SATL1: variants seen among roughly 807,000 people sequenced by gnomAD.
The protein encoded by SATL1 is spermidine/spermine N(1)-acetyltransferase-like protein 1.
A neutral mutation model predicts 51.8 loss-of-function variants in SATL1; 47 were observed. The observed-to-expected ratio is 0.91, with a 90% CI of 0.72 to 1.16. The LOEUF (loss-of-function observed/expected upper bound fraction) is 1.16. Among genes scored for constraint, SATL1 ranks in the 50% most tolerant of loss-of-function variants. SATL1 has a pLI of 0.00. For missense variants in SATL1, 520 were observed against 526.4 expected (o/e 0.99, Z 0.12); for synonymous variants, 176 against 182.4 (o/e 0.97, Z 0.28).
intron 1 of SATL1, among the ~76,000 whole-genome samples, chrX:85,225,914 C>T (rs1405096070): frequency 9.1e-5 from 10 of 110,384 alleles, no homozygotes; most frequent in Non-Finnish European, 1.9e-5. Flanking sequence ...GAAGAACTGG[C>T]CTCATAGCTT....
At chrX:85,140,387 T>C (rs939175224) in intron 2 of SATL1, among the ~76,000 whole-genome samples, 4 of 111,934 alleles carry the variant, frequency 3.6e-5, no homozygotes, top group Non-Finnish European at 7.5e-5. Context: ...TATATTTTAA[T>C]TTCTACTTTT....
intron 2 of SATL1, among the ~76,000 whole-genome samples, chrX:85,170,942 C>G (rs745399006): frequency 9.0e-6 from 1 of 111,244 alleles, no homozygotes; most frequent in Non-Finnish European, 1.9e-5. Flanking sequence ...CATGAATGAA[C>G]AAATACTCTC....
intron 2 of SATL1, among the ~76,000 whole-genome samples, chrX:85,220,674 A>C (rs1350450982): frequency 7.0e-5 from 6 of 85,180 alleles, no homozygotes; most frequent in African/African-American, 9.3e-5. Context: ...AAAAAAAAAA[A>C]AAAAAAAAAA....
chrX:85,148,883 G>A (rs1478427446), intron 2 of SATL1, among the ~76,000 whole-genome samples: 1 of 111,046 alleles, frequency 9.0e-6, no homozygotes, highest in Non-Finnish European at 1.9e-5. Context: ...AAAGGCCATC[G>A]AGACTAGGAA....
chrX:85,218,722 T>C (rs776519030), intron 2 of SATL1, among the ~76,000 whole-genome samples: 1 of 111,686 alleles, frequency 9.0e-6, no homozygotes, highest in Non-Finnish European at 1.9e-5. Flanking sequence ...CTTGGTACTA[T>C]AGTATGATAA....
At chrX:85,176,866 A>T (rs1927092348) in intron 2 of SATL1, among the ~76,000 whole-genome samples, 1 of 111,392 alleles carries the variant, frequency 9.0e-6, no homozygotes, top group African/African-American at 3.3e-5. Context: ...TTTTAAAAGC[A>T]ATCTGGCAGA....
chrX:85,131,978 C>T (rs1264328188), intron 2 of SATL1, among the ~76,000 whole-genome samples: 1 of 111,603 alleles, frequency 9.0e-6, no homozygotes, highest in Non-Finnish European at 1.9e-5. Flanking sequence ...ATACTGGCCC[C>T]CAGTCTCTTC....
At chrX:85,199,298 C>T (rs905493851) in intron 2 of SATL1, among the ~76,000 whole-genome samples, 1 of 110,602 alleles carries the variant, frequency 9.0e-6, no homozygotes, top group Non-Finnish European at 1.9e-5. Flanking sequence ...AGCAAGGATG[C>T]GGAGAAAAGG....
intron 2 of SATL1, among the ~76,000 whole-genome samples, chrX:85,164,176 G>A (rs1232441997): frequency 3.6e-5 from 4 of 111,559 alleles, no homozygotes; most frequent in Admixed American, 2.9e-4. Flanking sequence ...GCAAATACTT[G>A]GTTGGTGGAT....
At chrX:85,176,172 C>T (rs1430808606) in intron 2 of SATL1, among the ~76,000 whole-genome samples, 1 of 111,903 alleles carries the variant, frequency 8.9e-6, no homozygotes, top group African/African-American at 3.2e-5. Flanking sequence ...AAAGACTTCA[C>T]TCATAATAAG....
At position 85,159,094 on chromosome X, in the gene SATL1, C is replaced by G. The variant is rs750699219; in HGVS notation, c.-312-49814G>C. On this transcript the variant is annotated intron_variant, in intron 2 of 7. Coordinates refer to ENST00000644105, the MANE Select transcript of SATL1 (RefSeq NM_001367857.2). ...GCACTCCACAACAGACAACACTGTA[C>G]AAATTGTGATAATCTCCAGCCCTTC... Among the ~76,000 whole-genome samples the G allele has an allele frequency of 3.2e-4, 36 of 111,638 alleles. No homozygotes were observed. In the South Asian group the frequency reaches 7.1e-3, roughly 22 times the overall value.
At chrX:85,219,978 TG>T (rs1326000857) in intron 2 of SATL1, among the ~76,000 whole-genome samples, 1 of 104,147 alleles carries the variant, frequency 9.6e-6, no homozygotes, top group African/African-American at 3.6e-5. Flanking sequence ...TTTAACTCCA[TG>T]TTACTGAAAG....
At chrX:85,095,026 A>T in intron 4 of SATL1, 30 bp from the exon 5 acceptor site, 1 of 861,247 alleles carries the variant, frequency 1.2e-6, no homozygotes, top group Non-Finnish European at 1.7e-6. Flanking sequence ...ATAGGATGTC[A>T]GAAAGTTTAT....
At chrX:85,138,419 T>C (rs746257808) in intron 2 of SATL1, among the ~76,000 whole-genome samples, 1 of 112,011 alleles carries the variant, frequency 8.9e-6, no homozygotes, top group Non-Finnish European at 1.9e-5. Flanking sequence ...TCCACTATTA[T>C]TATACTGCAG....
At chrX:85,139,182 T>A (rs1480801486) in intron 2 of SATL1, among the ~76,000 whole-genome samples, 1 of 110,854 alleles carries the variant, frequency 9.0e-6, no homozygotes, top group Non-Finnish European at 1.9e-5. Context: ...TCCCTCAACA[T>A]TTGGGATAAA....
intron 2 of SATL1, among the ~76,000 whole-genome samples, chrX:85,136,219 T>C (rs1335908594): frequency 2.7e-5 from 3 of 110,499 alleles, no homozygotes; most frequent in Non-Finnish European, 5.7e-5. Flanking sequence ...GCTTCAGTCA[T>C]ATAAAATTTT....
intron 2 of SATL1, among the ~76,000 whole-genome samples, chrX:85,144,895 A>G (rs909752536): frequency 2.7e-5 from 3 of 110,499 alleles, no homozygotes; most frequent in Non-Finnish European, 5.7e-5. Context: ...AAAAGAGCCA[A>G]GTGTGGTGGT....
At position 85,097,888 on chromosome X, in the gene SATL1, G is replaced by A. The variant is rs754235331; in HGVS notation, c.1694-2892C>T. On this transcript the variant is annotated intron_variant, in intron 4 of 7. Transcript: ENST00000644105. ...GTTTCACTACAAAAATAAAACACAC[G>A]AAAAGGACTAATGGAGGAAAGTAGG... is the stretch of plus-strand genomic sequence containing the variant. 1.4e-4 allele frequency among the ~76,000 whole-genome samples: 16 copies of A among 111,355 alleles called. No individual in the cohort carries two copies. The East Asian group carries it at 3.7e-3, about 26-fold the overall frequency.
chrX:85,235,289 A>G (rs1278203465), intron 1 of SATL1, among the ~76,000 whole-genome samples: 1 of 110,919 alleles, frequency 9.0e-6, no homozygotes, highest in African/African-American at 3.3e-5. Flanking sequence ...TTAGCATGAG[A>G]CAGATCATCC....
Sources: allele counts gnomAD v4.1 joint callset (sites outside exome capture counted in the v4.1 genomes callset), GRCh38; gene constraint gnomAD v4.1.1; transcripts MANE v1.5; gene names NCBI Gene and HGNC (gene_info 2026-07-23, HGNC 2026-07-21).